B3GALT5: variants seen among roughly 807,000 people sequenced by gnomAD.
The protein encoded by B3GALT5 is beta-1,3-galactosyltransferase 5, also known as UDP-Gal:betaGlcNAc beta 1,3-galactosyltransferase, polypeptide 5.
For synonymous variants in B3GALT5, 156 were observed against 158.6 expected, an observed-to-expected ratio of 0.98 and a Z score of 0.12; for missense variants, 328 against 396.6, an observed-to-expected ratio of 0.83 and a Z score of 1.47.
At chr21:39,649,155 G>C (rs947396362) in intron 2 of B3GALT5, among the ~76,000 whole-genome samples, 3 of 152,166 alleles carry the variant, frequency 2.0e-5, no homozygotes, top group African/African-American at 7.2e-5. Context: ...TTGATTGGAG[G>C]CTTCTCTGTT....
intron 1 of B3GALT5, among the ~76,000 whole-genome samples, chr21:39,640,669 C>T (rs946561327): frequency 6.6e-6 from 1 of 151,626 alleles, no homozygotes; most frequent in East Asian, 1.9e-4. Flanking sequence ...TGGATTCCAT[C>T]AAGAAAGATG....
At position 39,663,627 on chromosome 21, in the gene B3GALT5, C is replaced by G. The variant is rs1387922408; in HGVS notation, c.*2135C>G. The G allele has an allele frequency of 1.3e-5, 2 of 152,084 alleles. No homozygotes were observed. The highest frequency in any genetic ancestry group is 2.4e-5 in the African/African-American group (1 of 41,378). The allele number at this position is 152,084 out of a possible 1,614,324, so 9.4% of individuals were successfully genotyped here. ...TAGTTGGGATTACAGGTGTGTATTT[C>G]TTTATACAATGAATAATTCTTTTTC... On this transcript the variant is annotated 3_prime_UTR_variant, in exon 4 of 4. Transcript: ENST00000684187.
chr21:39,661,004 G>C lies in B3GALT5; in HGVS notation c.445G>C (p.Ala149Pro). The change falls in exon 4 of 4, where the codon GCG (alanine) becomes CCG (proline). Residue 149 changes from alanine (A) to proline (P), a missense_variant. Ala to Pro is a conservative substitution (Grantham distance 27). Coordinates refer to ENST00000684187, the MANE Select transcript of B3GALT5 (RefSeq NM_001356336.2). The surrounding 1 kb of genome is among the most constrained non-coding windows in gnomAD (Gnocchi z 4.7). ...IEWVHRFCPQ[A>P]AFVMKTDSDM... ...ATGGGTCCATCGCTTTTGTCCTCAG[G>C]CGGCGTTTGTGATGAAAACAGACTC... 1 of 1,613,306 alleles carries C rather than the reference G, an allele frequency of 6.2e-7. No individual in the cohort carries two copies. The highest frequency in any genetic ancestry group is 8.5e-7 in the Non-Finnish European group (1 of 1,179,356).
chr21:39,639,661 G>A lies in B3GALT5; in HGVS notation c.-391-6731G>A, dbSNP rs140855999. ...CGCCTGGCTAATTTTTGTATTTTTA[G>A]TAGAGATGGGGTTTCACCATATTGG... is the stretch of plus-strand genomic sequence containing the variant. On this transcript the variant is annotated intron_variant, in intron 1 of 3. Coordinates refer to ENST00000684187, the MANE Select transcript of B3GALT5 (RefSeq NM_001356336.2). Among the ~76,000 whole-genome samples, 1,253 of 151,678 alleles carry A rather than the reference G, an allele frequency of 8.3e-3. 22 individuals are homozygous for A. Among genetic ancestry groups the A allele is most frequent in the African/African-American group, 0.028 (1,175 of 41,292 alleles).
At chr21:39,626,543 C>T (rs1246116653) in intron 1 of B3GALT5, among the ~76,000 whole-genome samples, 1 of 152,134 alleles carries the variant, frequency 6.6e-6, no homozygotes, top group Non-Finnish European at 1.5e-5. Context: ...TATATTCCCA[C>T]CAGCAGAGCA....
chr21:39,645,783 G>A (rs953658492), intron 1 of B3GALT5, among the ~76,000 whole-genome samples: 5 of 152,186 alleles, frequency 3.3e-5, no homozygotes, highest in African/African-American at 1.2e-4. Context: ...AGGGCAGGCA[G>A]TGGTCAAAAG....
intron 1 of B3GALT5, among the ~76,000 whole-genome samples, chr21:39,617,098 A>C (rs890426308): frequency 6.6e-6 from 1 of 152,030 alleles, no homozygotes; most frequent in African/African-American, 2.4e-5. Flanking sequence ...AGTTCTCCCC[A>C]TCTCCTTTCA....
intron 1 of B3GALT5, among the ~76,000 whole-genome samples, chr21:39,635,775 T>C (rs1258039567): frequency 6.6e-6 from 1 of 152,188 alleles, no homozygotes; most frequent in South Asian, 2.1e-4. Flanking sequence ...CCACCGCACC[T>C]GGCCTCTTCC....
chr21:39,639,294 C>CTT (rs1569211977), intron 1 of B3GALT5, among the ~76,000 whole-genome samples: 2 of 54,350 alleles, frequency 3.7e-5, no homozygotes, highest in Admixed American at 3.8e-4. Flanking sequence ...CTGGCTCTTT[C>CTT]TTTCTTTCTT....
At chr21:39,640,184 G>T (rs2079278837) in intron 1 of B3GALT5, among the ~76,000 whole-genome samples, 1 of 152,158 alleles carries the variant, frequency 6.6e-6, no homozygotes, top group African/African-American at 2.4e-5. Context: ...GGCAGAAACA[G>T]CCTTGCAACC....
At chr21:39,644,766 C>T (rs1602281556) in intron 1 of B3GALT5, among the ~76,000 whole-genome samples, 1 of 152,200 alleles carries the variant, frequency 6.6e-6, no homozygotes, top group Non-Finnish European at 1.5e-5. Context: ...GCATTGTGAC[C>T]TTTTAAAAAT....
In B3GALT5 at chr21:39,666,300, CTTGTTTTTGTTTGT is replaced by C. The variant is rs1248322450; in HGVS notation, c.*4818_*4831del. On this transcript the variant is annotated 3_prime_UTR_variant, in exon 4 of 4. Transcript: ENST00000684187. ...TCTCATCTACACTGTCATGCAAACT[CTTGTTTTTGTTTGT>C]TTGTTTTTGAGACAGAGTCTCACTC... 7.2e-5 allele frequency: 11 copies of C among 152,524 alleles called. No homozygotes were observed. The highest frequency in any genetic ancestry group is 1.5e-4 in the Non-Finnish European group (10 of 68,332). 9.4% of individuals were successfully genotyped at this position (152,524 alleles called of 1,614,324 possible).
intron 1 of B3GALT5, among the ~76,000 whole-genome samples, chr21:39,623,989 T>A (rs969404785): frequency 2.6e-5 from 4 of 152,222 alleles, no homozygotes; most frequent in Non-Finnish European, 2.9e-5. Flanking sequence ...TGATTGTTAC[T>A]GGAGACAGTT....
Position 39,661,537 on chromosome 21 carries a change from G to GGGATA in B3GALT5, c.*47_*51dup. ...CCGGACAAGTTTCAGATAACCCGTG[G>GGGATA]GGATAGTTTTTGCTAGATTTTGGAA... On this transcript the variant is annotated 3_prime_UTR_variant, in exon 4 of 4. Coordinates refer to ENST00000684187, the MANE Select transcript of B3GALT5 (RefSeq NM_001356336.2). This position sits in a 1 kb window ranked among gnomAD's most constrained non-coding sequence, Gnocchi z 4.7. The GGGATA allele has an allele frequency of 6.8e-7, 1 of 1,467,534 alleles. No homozygotes were observed. The highest frequency in any genetic ancestry group is 1.4e-5 in the African/African-American group (1 of 71,046). 90.9% of individuals were successfully genotyped at this position (1,467,534 alleles called of 1,614,324 possible).
At chr21:39,646,338 T>C (rs2079339592) in intron 1 of B3GALT5, 54 bp from the exon 2 acceptor site, 1 of 152,214 alleles carries the variant, frequency 6.6e-6, no homozygotes, top group Admixed American at 6.5e-5. Context: ...TTGAAGTCTT[T>C]TGCAGTGTAC....
At chr21:39,659,193 G>T (rs368915528) in intron 2 of B3GALT5, among the ~76,000 whole-genome samples, 27 of 152,320 alleles carry the variant, frequency 1.8e-4, no homozygotes, top group Admixed American at 8.5e-4. Flanking sequence ...GGGCTGTAGT[G>T]AGCTATGATT....
intron 2 of B3GALT5, among the ~76,000 whole-genome samples, chr21:39,647,962 T>C (rs1233150424): frequency 6.6e-6 from 1 of 152,234 alleles, no homozygotes; most frequent in Admixed American, 6.5e-5. Context: ...CACAGAATAA[T>C]TGGCAGCCCT....
intron 1 of B3GALT5, among the ~76,000 whole-genome samples, chr21:39,622,073 T>A (rs909420994): frequency 8.5e-5 from 13 of 152,112 alleles, no homozygotes; most frequent in African/African-American, 3.1e-4. Context: ...GGTTTTGATA[T>A]GTTGGTCTTT....
chr21:39,629,912 G>A (rs1044231924), intron 1 of B3GALT5, among the ~76,000 whole-genome samples: 1 of 152,162 alleles, frequency 6.6e-6, no homozygotes, highest in African/African-American at 2.4e-5. Context: ...TACCAGTAAT[G>A]CTGGTTTAAA....
Sources: gnomAD v4.1 joint callset for allele counts (sites outside exome capture counted in the v4.1 genomes callset) on GRCh38, gnomAD v4.1.1 for gene constraint, Gnocchi (gnomAD v3.1) non-coding constraint, MANE v1.5 for transcripts, NCBI Gene and HGNC (gene_info 2026-07-23, HGNC 2026-07-21) for gene names.